Variants in MLXIPL observed in about 807,000 individuals in gnomAD.
MLXIPL encodes the protein MLX interacting protein like, also known as carbohydrate-responsive element-binding protein.
Under a neutral mutation model 81.5 loss-of-function variants are expected in MLXIPL, and 49 were observed. The observed-to-expected ratio is 0.60, with a 90% CI of 0.48 to 0.76. The LOEUF (loss-of-function observed/expected upper bound fraction) is 0.76. MLXIPL is among the 30% of genes least tolerant of loss of function. The pLI is 0.00. For synonymous variants in MLXIPL, 466 were observed against 485.5 expected (o/e 0.96, Z 0.53); for missense variants, 1,053 against 1,167.0 (o/e 0.90, Z 1.42).
intron 8 of MLXIPL, 116 bp from the exon 9 acceptor site, chr7:73,597,829 G>A: frequency 1.6e-6 from 1 of 607,888 alleles, no homozygotes. Context: ...GGGGCCCTGG[G>A]GAGAGATAGG....
At position 73,607,580 on chromosome 7, in the gene MLXIPL, A is replaced by T. The variant is rs1554598702; in HGVS notation, c.483+10T>A. On this transcript the variant is annotated intron_variant, in intron 3 of 16. Transcript: ENST00000313375. ...TGGGCAGGTGGGCAGGCGGTCCAGA[A>T]CCCAGCTACCTCCGGCTTCCGGTGC... 1 of 1,612,324 alleles carries T rather than the reference A, an allele frequency of 6.2e-7. No homozygotes were observed. The highest frequency in any genetic ancestry group is 8.5e-7 in the Non-Finnish European group (1 of 1,179,854).
chr7:73,606,522 T>C, intron 5 of MLXIPL: 1 of 310,652 alleles, frequency 3.2e-6, no homozygotes, highest in South Asian at 3.5e-5. Flanking sequence ...ACCTCCCAGG[T>C]TCAAGCGATT....
chr7:73,607,278 C>T (rs782759047), intron 4 of MLXIPL, 53 bp downstream of exon 4: 44 of 1,514,002 alleles, frequency 2.9e-5, no homozygotes, highest in Non-Finnish European at 3.5e-5. Context: ...CGGGCGGTAG[C>T]CGGCAGCCGC....
chr7:73,632,225 C>T, the MLXIPL span, among the ~76,000 whole-genome samples: 1 of 151,534 alleles, frequency 6.6e-6, no homozygotes, highest in Non-Finnish European at 1.5e-5. Context: ...TGGTCTTGAA[C>T]TCCTGGGCTC....
intron 8 of MLXIPL, among the ~76,000 whole-genome samples, chr7:73,597,914 A>C (rs1794483022): frequency 6.6e-6 from 1 of 152,106 alleles, no homozygotes; most frequent in Non-Finnish European, 1.5e-5. Context: ...CAATGAGAGG[A>C]GGGAGTCGAG....
chr7:73,597,105 T>G, intron 9 of MLXIPL, 77 bp downstream of exon 9: 1 of 1,497,310 alleles, frequency 6.7e-7, no homozygotes, highest in Non-Finnish European at 9.0e-7. Flanking sequence ...CTTCATCTTC[T>G]GCTCCCAAAA....
chr7:73,616,907 C>T (rs976633282), intron 1 of MLXIPL, among the ~76,000 whole-genome samples: 1 of 151,490 alleles, frequency 6.6e-6, no homozygotes, highest in Non-Finnish European at 1.5e-5. Flanking sequence ...GGGGCAGGTC[C>T]GAGGTCACTC....
At chr7:73,627,501 A>C (rs1796771828), upstream of MLXIPL, among the ~76,000 whole-genome samples, 1 of 152,008 alleles carries the variant, frequency 6.6e-6, no homozygotes. Context: ...CACCTGCCTC[A>C]GCCTCCCAAA....
chr7:73,630,335 C>A, the MLXIPL span, among the ~76,000 whole-genome samples: 1 of 148,792 alleles, frequency 6.7e-6, no homozygotes, highest in Non-Finnish European at 1.5e-5. Flanking sequence ...CTCTGTCACC[C>A]AGGCCAGAAT....
chr7:73,605,916 C>T lies in MLXIPL; in HGVS notation c.814G>A (p.Glu272Lys), dbSNP rs1554597862. The change falls in exon 6 of 17, where the codon GAG (glutamate) becomes AAG (lysine). Residue 272 changes from glutamate (E) to lysine (K), a missense_variant. This residue lies in a region of MLXIPL where 823 missense variants were observed against 933.0 expected (regional missense o/e 0.88). Coordinates refer to ENST00000313375, the MANE Select transcript of MLXIPL (RefSeq NM_032951.3). ...CCCTTTCTCAGACCCTCACCATCCT[C>T]AGGCGGCAGCTGCAGGGGCGAAGGG... Reference protein sequence around the residue: ...SGPSPLQLPPEDAYVGNADMI... With the variant: ...SGPSPLQLPPKDAYVGNADMI... The T allele has an allele frequency of 6.3e-7, 1 of 1,584,962 alleles. No individual in the cohort carries two copies. Among genetic ancestry groups the T allele is most frequent in the Admixed American group, 1.8e-5 (1 of 55,078 alleles).
Position 73,593,778 on chromosome 7 carries a change from G to A in MLXIPL, c.*87C>T, listed in dbSNP as rs1300365693. On this transcript the variant is annotated 3_prime_UTR_variant, in exon 17 of 17. Coordinates refer to ENST00000313375, the MANE Select transcript of MLXIPL (RefSeq NM_032951.3). ...GCAGAGCCAGGGCCTGGGGCAGGAA[G>A]GGAGTGCCCAGAGATGATCCCTGGA... 2 of 1,183,174 alleles carry A rather than the reference G, an allele frequency of 1.7e-6. No homozygotes were observed. Among genetic ancestry groups the A allele is most frequent in the Admixed American group, 3.4e-5 (2 of 59,228 alleles). The allele number at this position is 1,183,174 out of a possible 1,614,324, so 73.3% of individuals were successfully genotyped here. A position where few individuals can be genotyped will look rare whatever the true frequency, so the allele number is the denominator to read the frequency against.
At chr7:73,619,683 C>A (rs1554601558) in intron 1 of MLXIPL, among the ~76,000 whole-genome samples, 1 of 151,776 alleles carries the variant, frequency 6.6e-6, no homozygotes, top group Non-Finnish European at 1.5e-5. Flanking sequence ...GTAATCCCAG[C>A]ACTTTGGGAG....
At chr7:73,607,853 C>CTTTTTTTTTTTTTTTTTTT (rs1166806013) in intron 2 of MLXIPL, among the ~76,000 whole-genome samples, 181 bp from the exon 3 acceptor site, 1 of 110,360 alleles carries the variant, frequency 9.1e-6, no homozygotes, top group Non-Finnish European at 1.8e-5. Flanking sequence ...CTAGATCTTC[C>CTTTTTTTTTTTTTTTTTTT]TTTTTTTTTT....
chr7:73,595,414 C>T (rs973528583), intron 15 of MLXIPL, among the ~76,000 whole-genome samples: 5 of 152,192 alleles, frequency 3.3e-5, no homozygotes, highest in African/African-American at 1.2e-4. Context: ...CCCAAGGACT[C>T]CTCCCTCAGT....
chr7:73,647,596 GCAGCTGAGGCTGAGCGAGGAGGCCACA>G, the MLXIPL span, among the ~76,000 whole-genome samples: 1 of 152,146 alleles, frequency 6.6e-6, no homozygotes, highest in Non-Finnish European at 1.5e-5. Context: ...CTTCCTCCTG[GCAGCTGAGGCTGAGCGAGGAGGCCACA>G]TAAGCCTATG....
chr7:73,607,365 T>C lies in MLXIPL; in HGVS notation c.539A>G (p.Glu180Gly), dbSNP rs1554598580. The C allele has an allele frequency of 6.4e-7, 1 of 1,567,892 alleles. No individual in the cohort carries two copies. The highest frequency in any genetic ancestry group is 1.2e-5 in the South Asian group (1 of 85,326). ...GTAGTAGATGCGCCACTTGTGGTATTCCCGCATCACCACCTCGATGCGCCG... is the reference window on the plus strand; with the variant it reads ...GTAGTAGATGCGCCACTTGTGGTATCCCCGCATCACCACCTCGATGCGCCG... ...WKRRIEVVMREYHKWRIYYKK... is the reference protein window; with the variant it reads ...WKRRIEVVMRGYHKWRIYYKK... The change falls in exon 4 of 17, where the codon GAA (glutamate) becomes GGA (glycine). Residue 180 changes from glutamate (E) to glycine (G), a missense_variant. Glu to Gly is a moderately conservative substitution (Grantham distance 98). This residue lies in a region of MLXIPL where 823 missense variants were observed against 933.0 expected (regional missense o/e 0.88). Transcript: ENST00000313375.
intron 7 of MLXIPL, among the ~76,000 whole-genome samples, chr7:73,604,861 T>C (rs1584106271): frequency 6.6e-6 from 1 of 151,766 alleles, no homozygotes. Context: ...GCCTCTCAGG[T>C]TCAAGCAATT....
At chr7:73,601,967 G>A (rs140005942) in intron 7 of MLXIPL, among the ~76,000 whole-genome samples, 37 of 152,156 alleles carry the variant, frequency 2.4e-4, no homozygotes, top group African/African-American at 8.4e-4. Context: ...TCCGTCTGAG[G>A]CCATGTGAAC....
chr7:73,626,601 A>G (rs1417014909), upstream of MLXIPL, among the ~76,000 whole-genome samples: 5 of 152,102 alleles, frequency 3.3e-5, no homozygotes, highest in Admixed American at 2.0e-4. Flanking sequence ...AACCAGACTG[A>G]GGCATTCACA....
Sources: allele counts gnomAD v4.1 joint callset (sites outside exome capture counted in the v4.1 genomes callset), GRCh38; gene constraint gnomAD v4.1.1; regional missense constraint gnomAD v4.1.1; transcripts MANE v1.5; gene names NCBI Gene and HGNC (gene_info 2026-07-23, HGNC 2026-07-21).